Variants in LARGE1 observed in about 807,000 individuals in gnomAD.
LARGE1 encodes LARGE xylosyl- and glucuronyltransferase 1.
Under a neutral mutation model 87.6 loss-of-function variants are expected in LARGE1, and 43 were observed. The ratio of observed to expected loss-of-function variants is 0.49; its 90% CI spans 0.38 to 0.63. The LOEUF is 0.63. LARGE1 is among the 30% of genes least tolerant of loss of function. LARGE1 has a pLI of 0.00. For missense variants in LARGE1, 802 were observed against 1,000.2 expected (o/e 0.80, Z 2.67); for synonymous variants, 434 against 394.6 (o/e 1.10, Z -1.18).
At chr22:33,844,955 T>G (rs1250297790) in intron 1 of LARGE1, among the ~76,000 whole-genome samples, 1 of 151,894 alleles carries the variant, frequency 6.6e-6, no homozygotes, top group Non-Finnish European at 1.5e-5. Context: ...CCTGACCTCG[T>G]GAGCCACCCG....
At chr22:33,916,020 C>T (rs542168263) in intron 1 of LARGE1, among the ~76,000 whole-genome samples, 2 of 152,280 alleles carry the variant, frequency 1.3e-5, no homozygotes, top group South Asian at 2.1e-4. Context: ...CGGTGGCTCA[C>T]ACCTGTAATC....
chr22:33,722,299 G>C lies in LARGE1; in HGVS notation c.106+39072C>G, dbSNP rs369886896. Among the ~76,000 whole-genome samples the C allele has an allele frequency of 8.5e-4, 122 of 143,892 alleles. 2 individuals are homozygous for C. The East Asian group carries it at 0.018, about 21-fold the overall frequency. The allele number at this position is 143,892 out of a possible 152,430, so 94.4% of individuals were successfully genotyped here. A position where few individuals can be genotyped will look rare whatever the true frequency, so the allele number is the denominator to read the frequency against. On this transcript the variant is annotated intron_variant, in intron 2 of 14. Coordinates refer to ENST00000397394, the MANE Select transcript of LARGE1 (RefSeq NM_133642.5). ...AGGGAGAGGAGGGAGAGGGAGAGGA[G>C]GGAGAGGGAGAGGAGGGAGAGGGAG...
intron 1 of LARGE1, among the ~76,000 whole-genome samples, chr22:33,790,433 C>T (rs1030331829): frequency 2.6e-5 from 4 of 152,184 alleles, no homozygotes; most frequent in African/African-American, 9.7e-5. Context: ...AACTGGCCTA[C>T]ACTGAATCAT....
At chr22:33,778,113 G>A (rs2085305341) in intron 1 of LARGE1, among the ~76,000 whole-genome samples, 1 of 152,174 alleles carries the variant, frequency 6.6e-6, no homozygotes, top group Non-Finnish European at 1.5e-5. Flanking sequence ...AAAGAGTCAG[G>A]AAAGAAATTC....
At chr22:33,830,251 T>G (rs1228533895) in intron 1 of LARGE1, among the ~76,000 whole-genome samples, 2 of 152,192 alleles carry the variant, frequency 1.3e-5, no homozygotes, top group African/African-American at 4.8e-5. Flanking sequence ...TAAATCAAAT[T>G]CCATAAGCAA....
At chr22:33,132,204 G>A in the LARGE1 span, among the ~76,000 whole-genome samples, 2 of 152,010 alleles carry the variant, frequency 1.3e-5, no homozygotes, top group African/African-American at 4.8e-5. Flanking sequence ...ATTTTTTTGA[G>A]ACAGGATCTC....
rs796983158 is a variant in LARGE1, at chr22:33,171,564, C to G, written c.1731-4732G>C. On this transcript the variant is annotated intron_variant, in intron 11 of 11. Coordinates refer to the LARGE1 transcript ENST00000608642. Reference sequence around the variant, plus strand: ...CCAGACTTGGTGCCCTGCATCCCAGCCACTCCAGCTCCAGCTGTGGCTAAA... The same window carrying G: ...CCAGACTTGGTGCCCTGCATCCCAGGCACTCCAGCTCCAGCTGTGGCTAAA... 6.6e-4 allele frequency among the ~76,000 whole-genome samples: 100 copies of G among 152,318 alleles called. 1 individual carries two copies. Among genetic ancestry groups the G allele is most frequent in the African/African-American group, 2.4e-3 (98 of 41,580 alleles).
At chr22:33,415,211 G>T (rs976447671) in intron 7 of LARGE1, among the ~76,000 whole-genome samples, 1 of 152,188 alleles carries the variant, frequency 6.6e-6, no homozygotes, top group South Asian at 2.1e-4. Context: ...CTCAGGTGGA[G>T]GCGTTGTTTT....
At chr22:33,236,272 CA>C (rs1359096631) in intron 11 of LARGE1, among the ~76,000 whole-genome samples, 1 of 152,184 alleles carries the variant, frequency 6.6e-6, no homozygotes, top group Non-Finnish European at 1.5e-5. Context: ...AGAAACACCC[CA>C]GCTGAGTGTG....
chr22:33,597,070 A>C (rs1445413041), intron 5 of LARGE1, among the ~76,000 whole-genome samples: 1 of 152,128 alleles, frequency 6.6e-6, no homozygotes, highest in Non-Finnish European at 1.5e-5. Context: ...CTGCAGGTCC[A>C]GCTTCACTGG....
chr22:33,381,156 G>A (rs1413364307), intron 9 of LARGE1, among the ~76,000 whole-genome samples: 1 of 152,176 alleles, frequency 6.6e-6, no homozygotes, highest in East Asian at 1.9e-4. Flanking sequence ...GTCACCAGCT[G>A]TCCCATCTGA....
chr22:33,534,661 C>G (rs571475772), intron 6 of LARGE1, among the ~76,000 whole-genome samples: 2 of 152,236 alleles, frequency 1.3e-5, no homozygotes, highest in African/African-American at 4.8e-5. Flanking sequence ...CCCCACAGTG[C>G]TGGGACCCAG....
chr22:33,709,826 C>G (rs1305504207), intron 2 of LARGE1, among the ~76,000 whole-genome samples: 1 of 151,692 alleles, frequency 6.6e-6, no homozygotes, highest in Non-Finnish European at 1.5e-5. Flanking sequence ...GGGGTTTTGC[C>G]ATGTTAGCCA....
At chr22:33,247,044 A>AGTGTGTGT (rs1203064501) in intron 11 of LARGE1, among the ~76,000 whole-genome samples, 4 of 82,804 alleles carry the variant, frequency 4.8e-5, no homozygotes, top group African/African-American at 1.8e-4. Flanking sequence ...AACTGCAGCC[A>AGTGTGTGT]GTATGTGTGT....
intron 3 of LARGE1, among the ~76,000 whole-genome samples, chr22:33,627,304 G>C (rs189348948): frequency 1.3e-5 from 2 of 152,172 alleles, no homozygotes; most frequent in African/African-American, 4.8e-5. Flanking sequence ...GGGCATCCCC[G>C]ACGGGACATC....
chr22:33,332,681 C>A (rs534996087), intron 10 of LARGE1, among the ~76,000 whole-genome samples: 1 of 152,252 alleles, frequency 6.6e-6, no homozygotes, highest in Admixed American at 6.5e-5. Flanking sequence ...AAGATCATAC[C>A]CTTTCCCTCT....
At chr22:33,631,193 A>G (rs1397635314) in intron 3 of LARGE1, among the ~76,000 whole-genome samples, 11 of 151,722 alleles carry the variant, frequency 7.3e-5, no homozygotes, top group Admixed American at 7.2e-4. Context: ...GTCTTGCTAT[A>G]TTGTCCAGGT....
In LARGE1 at chr22:33,865,832, C is replaced by CTTTTTT. The variant is rs3072359; in HGVS notation, c.-83+54157_-83+54162dup. 7.0e-5 allele frequency among the ~76,000 whole-genome samples: 2 copies of CTTTTTT among 28,394 alleles called. 1 individual carries two copies. The highest frequency in any genetic ancestry group is 1.4e-4 in the Non-Finnish European group (2 of 14,470). 18.6% of individuals were successfully genotyped at this position (28,394 alleles called of 152,430 possible). A position where few individuals can be genotyped will look rare whatever the true frequency, so the allele number is the denominator to read the frequency against. ...TAAGCATTCAATGTTAGCTGTTATT[C>CTTTTTT]TTTTTTTTTTTTTTTTTTTTTTTTT... On this transcript the variant is annotated intron_variant, in intron 1 of 14. Transcript: ENST00000397394.
intron 1 of LARGE1, among the ~76,000 whole-genome samples, chr22:33,871,982 C>CAAAAAAACAAAAAAA (rs2064298961): frequency 1.2e-5 from 1 of 86,814 alleles, no homozygotes; most frequent in Non-Finnish European, 2.4e-5. Flanking sequence ...TCTAAATCAG[C>CAAAAAAACAAAAAAA]AAAAAAAAAA....
Sources: allele counts gnomAD v4.1 joint callset (sites outside exome capture counted in the v4.1 genomes callset), GRCh38; gene constraint gnomAD v4.1.1; transcripts MANE v1.5; gene names NCBI Gene and HGNC (gene_info 2026-07-23, HGNC 2026-07-21).